TIMM44: variants seen among roughly 807,000 people sequenced by gnomAD.
The protein encoded by TIMM44 is translocase of inner mitochondrial membrane 44.
In TIMM44, 37 loss-of-function variants were observed where a neutral mutation model predicts 63.8. That is an observed-to-expected ratio of 0.58 (90% CI 0.45 to 0.76). The LOEUF (loss-of-function observed/expected upper bound fraction) is 0.76. Ranked by LOEUF, TIMM44 falls within the 30% of genes least tolerant of loss-of-function variation. The pLI is 0.00. For synonymous variants in TIMM44, 239 were observed against 245.1 expected (o/e 0.98, Z 0.23); for missense variants, 573 against 603.8 (o/e 0.95, Z 0.54).
intron 1 of TIMM44, 71 bp from the exon 2 acceptor site, chr19:7,941,268 C>A: frequency 3.4e-6 from 4 of 1,169,334 alleles, no homozygotes; most frequent in Non-Finnish European, 5.1e-6. Context: ...AGACCACACA[C>A]AAAACAGCAG....
intron 10 of TIMM44, 91 bp from the exon 11 acceptor site, chr19:7,928,257 GT>G: frequency 8.8e-7 from 1 of 1,132,362 alleles, no homozygotes; most frequent in Non-Finnish European, 1.3e-6. Context: ...TGGCGCCCAG[GT>G]GCCCTGCCGC....
Position 7,931,345 on chromosome 19 carries a change from GT to G in TIMM44, c.988-158del, listed in dbSNP as rs1446063903. On this transcript the variant is annotated intron_variant, in intron 9 of 12. Coordinates refer to ENST00000270538, the MANE Select transcript of TIMM44 (RefSeq NM_006351.4). Reference sequence around the variant, plus strand: ...CGCGGGTGGAGCTGTGGCACTGGGTGTCCCCCCCAGGCCCGTCCCTGCTGGT... The same window carrying G: ...CGCGGGTGGAGCTGTGGCACTGGGTGCCCCCCCAGGCCCGTCCCTGCTGGT... The G allele has an allele frequency of 4.1e-6, 3 of 727,224 alleles. No individual in the cohort carries two copies. In the Admixed American group the frequency reaches 6.0e-5, roughly 15 times the overall value. The allele number at this position is 727,224 out of a possible 1,614,324, so 45.0% of individuals were successfully genotyped here.
Position 7,927,657 on chromosome 19 carries a change from CG to C in TIMM44, c.1238del (p.Pro413ArgfsTer48), listed in dbSNP as rs1983852026. 6.2e-7 allele frequency: 1 copy of C among 1,613,164 alleles called. No individual in the cohort carries two copies. The highest frequency in any genetic ancestry group is 8.5e-7 in the Non-Finnish European group (1 of 1,179,866). On this transcript the variant is annotated frameshift_variant and splice_region_variant, in exon 12 of 13. Transcript: ENST00000270538. LOFTEE classifies it high-confidence loss of function. The part of the protein sequence containing the change: ...NPKGEVVEGD[P>X]DKVLRMLYVW... ...TGCCCCATCCCACTCCCTCACTCAC[CG>C]GGTCACCCTCCACCACCTCGCCTTT...
chr19:7,928,049 G>T, intron 11 of TIMM44, 28 bp downstream of exon 11: 1 of 1,601,884 alleles, frequency 6.2e-7, no homozygotes, highest in Non-Finnish European at 8.5e-7. Flanking sequence ...CCCGATGGTG[G>T]CCCGGGCCCC....
At chr19:7,935,660 G>A (rs899126936) in intron 3 of TIMM44, among the ~76,000 whole-genome samples, 12 of 152,212 alleles carry the variant, frequency 7.9e-5, no homozygotes, top group Non-Finnish European at 1.5e-4. Context: ...TCAGAAGGCC[G>A]GCAGACTCGG....
rs71179159 is a variant in TIMM44 at position 7,930,303 on chromosome 19, CTTTT to C, written c.1038+831_1038+834del. Reference sequence around the variant, plus strand: ...CAGGTGCCTGCCTCCATGCTTGGCTCTTTTTTTTTTTTTTTTTTTTTTGGAGACA... The same window carrying C: ...CAGGTGCCTGCCTCCATGCTTGGCTCTTTTTTTTTTTTTTTTTTGGAGACA... On this transcript the variant is annotated intron_variant, in intron 10 of 12. Transcript: ENST00000270538. Among the ~76,000 whole-genome samples, 9 of 109,496 alleles carry C rather than the reference CTTTT, an allele frequency of 8.2e-5. No individual in the cohort carries two copies. In the East Asian group the frequency reaches 1.5e-3, roughly 18 times the overall value. 71.8% of individuals were successfully genotyped at this position (109,496 alleles called of 152,430 possible). A position where few individuals can be genotyped will look rare whatever the true frequency, so the allele number is the denominator to read the frequency against.
intron 10 of TIMM44, among the ~76,000 whole-genome samples, chr19:7,930,372 G>A (rs1309824641): frequency 9.0e-5 from 13 of 145,154 alleles, no homozygotes; most frequent in African/African-American, 2.8e-4. Flanking sequence ...GCAGTGGCGC[G>A]ACCTCAGCTC....
intron 3 of TIMM44, among the ~76,000 whole-genome samples, chr19:7,935,579 G>A (rs2086436347): frequency 1.3e-5 from 2 of 152,200 alleles, no homozygotes; most frequent in Admixed American, 6.5e-5. Flanking sequence ...CTGCCAGCAT[G>A]TGCTGCCTCC....
intron 3 of TIMM44, among the ~76,000 whole-genome samples, chr19:7,935,931 A>T (rs1285840171): frequency 1.3e-5 from 2 of 152,166 alleles, no homozygotes; most frequent in Admixed American, 1.3e-4. Flanking sequence ...AGATGGGAGG[A>T]TCGCTTGAGC....
chr19:7,928,155 C>A lies in TIMM44; in HGVS notation c.1050G>T (p.Gln350His). ...KDWCYEATYS[Q>H]LAHPIQQAKA... ...TGGCCTGCTGGATGGGGTGGGCCAG[C>A]TGGCTGTAAGTCTGCAATGAGAGGC... is the stretch of plus-strand genomic sequence containing the variant. The change falls in exon 11 of 13, where the codon CAG (glutamine) becomes CAT (histidine). Residue 350 changes from glutamine to histidine, a missense_variant. Gln to His is a conservative substitution (Grantham distance 24). Transcript: ENST00000270538. 6.2e-7 allele frequency: 1 copy of A among 1,613,710 alleles called. No homozygotes were observed. Among genetic ancestry groups the A allele is most frequent in the Non-Finnish European group, 8.5e-7 (1 of 1,179,842 alleles).
At chr19:7,928,652 C>T (rs1983886861) in intron 10 of TIMM44, 1 of 153,186 alleles carries the variant, frequency 6.5e-6, no homozygotes, top group Admixed American at 6.5e-5. Flanking sequence ...GACACGTTTT[C>T]GCTGGAGGTT....
chr19:7,927,062 TC>T lies in TIMM44; in HGVS notation c.*124del, dbSNP rs1386177468. On this transcript the variant is annotated 3_prime_UTR_variant, in exon 13 of 13. Coordinates refer to ENST00000270538, the MANE Select transcript of TIMM44 (RefSeq NM_006351.4). The stretch of plus-strand genomic sequence containing the variant: ...CCCGGGCCAGCTGGTCTTGCAGCCG[TC>T]CTGGCAGAGCTGGGGGCAGAGCCCG... 7.1e-7 allele frequency: 1 copy of T among 1,403,982 alleles called. No individual in the cohort carries two copies. The highest frequency in any genetic ancestry group is 1.4e-5 in the African/African-American group (1 of 70,304). The allele number at this position is 1,403,982 out of a possible 1,614,324, so 87.0% of individuals were successfully genotyped here. A position where few individuals can be genotyped will look rare whatever the true frequency, so the allele number is the denominator to read the frequency against.
intron 4 of TIMM44, 46 bp downstream of exon 4, chr19:7,935,019 G>T (rs757677510): frequency 1.3e-6 from 2 of 1,562,920 alleles, no homozygotes; most frequent in East Asian, 2.3e-5. Flanking sequence ...AGCGGCCAGG[G>T]GACTTTGATG....
chr19:7,938,208 T>C lies in TIMM44; in HGVS notation c.142-11A>G. The C allele has an allele frequency of 1.2e-6, 2 of 1,609,230 alleles. No individual in the cohort carries two copies. Among genetic ancestry groups the C allele is most frequent in the Non-Finnish European group, 1.7e-6 (2 of 1,178,116 alleles). ...AGAATATGATTTGGACTAGAAAGAA[T>C]GTACAAGAAAAAAAATTTAAAGAAC... On this transcript the variant is annotated splice_polypyrimidine_tract_variant and intron_variant, in intron 2 of 12. Coordinates refer to ENST00000270538, the MANE Select transcript of TIMM44 (RefSeq NM_006351.4).
chr19:7,927,833 A>T (rs1236861848), intron 11 of TIMM44, 66 bp from the exon 12 acceptor site: 1 of 1,521,982 alleles, frequency 6.6e-7, no homozygotes, highest in Non-Finnish European at 9.0e-7. Flanking sequence ...TGGAGGTGAA[A>T]CCCCTGCGCC....
rs1599648387 is a variant in TIMM44 at position 7,933,416 on chromosome 19, G to C, written c.769+69C>G. The C allele has an allele frequency of 9.3e-6, 13 of 1,394,008 alleles. No individual in the cohort carries two copies. The East Asian group carries it at 3.0e-4, about 32-fold the overall frequency. The allele number at this position is 1,394,008 out of a possible 1,614,324, so 86.4% of individuals were successfully genotyped here. A position where few individuals can be genotyped will look rare whatever the true frequency, so the allele number is the denominator to read the frequency against. ...CGGGGCTGTCTTGTGCCCAATGCAG[G>C]GGGATCACCTTGCGGTCCACCAACT... is the stretch of plus-strand genomic sequence containing the variant. On this transcript the variant is annotated intron_variant, in intron 7 of 12. Coordinates refer to ENST00000270538, the MANE Select transcript of TIMM44 (RefSeq NM_006351.4). The surrounding 1 kb of genome is among the most constrained non-coding windows in gnomAD (Gnocchi z 4.3).
At position 7,934,299 on chromosome 19, in the gene TIMM44, C is replaced by T; in HGVS notation, c.394-61G>A. ...CGGCCCTGGCGGCCGGGGGGCGGGG[C>T]AGGAGGAATGAATTCCTGCCGGAGA... On this transcript the variant is annotated intron_variant, in intron 4 of 12. Coordinates refer to ENST00000270538, the MANE Select transcript of TIMM44 (RefSeq NM_006351.4). This position sits in a 1 kb window ranked among gnomAD's most constrained non-coding sequence, Gnocchi z 5.3. 6.3e-7 allele frequency: 1 copy of T among 1,596,060 alleles called. No individual in the cohort carries two copies. The highest frequency in any genetic ancestry group is 1.1e-5 in the South Asian group (1 of 90,928).
intron 3 of TIMM44, among the ~76,000 whole-genome samples, chr19:7,937,191 A>T (rs1984180461): frequency 6.6e-6 from 1 of 151,972 alleles, no homozygotes; most frequent in South Asian, 2.1e-4. Flanking sequence ...AGGCAGGAGA[A>T]TCAGGAGCTG....
At position 7,931,379 on chromosome 19, in the gene TIMM44, C is replaced by T. The variant is rs111769029; in HGVS notation, c.988-191G>A. 2.0e-5 allele frequency: 13 copies of T among 643,402 alleles called. No homozygotes were observed. The East Asian group carries it at 3.4e-4, about 17-fold the overall frequency. 39.9% of individuals were successfully genotyped at this position (643,402 alleles called of 1,614,324 possible). A position where few individuals can be genotyped will look rare whatever the true frequency, so the allele number is the denominator to read the frequency against. ...AGGCCCGTCCCTGCTGGTGTCAGTG[C>T]CTGGCTCTGGCCTAGGCACAGGCGG... On this transcript the variant is annotated intron_variant, in intron 9 of 12. Coordinates refer to ENST00000270538, the MANE Select transcript of TIMM44 (RefSeq NM_006351.4).
Sources: allele counts gnomAD v4.1 joint callset (sites outside exome capture counted in the v4.1 genomes callset), GRCh38; gene constraint gnomAD v4.1.1; non-coding constraint Gnocchi (gnomAD v3.1); transcripts MANE v1.5; gene names NCBI Gene and HGNC (gene_info 2026-07-23, HGNC 2026-07-21).